The following BARX2 variants were observed in gnomAD, a reference collection of about 807,000 sequenced individuals.
BARX2 encodes the protein BARX homeobox 2, also known as homeobox protein BarH-like 2.
A neutral mutation model predicts 25.5 loss-of-function variants in BARX2; 11 were observed. That is an observed-to-expected ratio of 0.43 (90% CI 0.27 to 0.71). The LOEUF (loss-of-function observed/expected upper bound fraction) is 0.71. Among genes scored for constraint, BARX2 ranks in the 30% least tolerant of loss-of-function variants. The pLI is 0.19. For synonymous variants in BARX2, 137 were observed against 149.5 expected (o/e 0.92, Z 0.61); for missense variants, 360 against 359.9 (o/e 1.00, Z 0.00).
In BARX2 at chr11:129,412,793, T is replaced by A. The variant is rs1237224948; in HGVS notation, c.188-23958T>A. ...GCAGCTAGTCCTCACTTTGGTCCTG[T>A]ATCCAGGTCCCACCTCTTACCTCAG... On this transcript the variant is annotated intron_variant, in intron 1 of 3. Coordinates refer to ENST00000281437, the MANE Select transcript of BARX2 (RefSeq NM_003658.5). 2.6e-5 allele frequency among the ~76,000 whole-genome samples: 4 copies of A among 152,328 alleles called. No homozygotes were observed. The East Asian group carries it at 5.8e-4, about 22-fold the overall frequency.
intron 1 of BARX2, among the ~76,000 whole-genome samples, chr11:129,434,695 G>A (rs1336040207): frequency 6.6e-6 from 1 of 152,194 alleles, no homozygotes; most frequent in Admixed American, 6.5e-5. Flanking sequence ...GAATATGCTT[G>A]TATATAAATC....
chr11:129,378,212 C>T (rs977921610), intron 1 of BARX2, among the ~76,000 whole-genome samples: 6 of 152,080 alleles, frequency 3.9e-5, no homozygotes, highest in Admixed American at 2.0e-4. Flanking sequence ...GAAAATGTGT[C>T]GTTATTTTGC....
At chr11:129,417,734 T>C (rs1032191003) in intron 1 of BARX2, among the ~76,000 whole-genome samples, 4 of 152,336 alleles carry the variant, frequency 2.6e-5, no homozygotes, top group Non-Finnish European at 4.4e-5. Flanking sequence ...TGGCGAAGGA[T>C]TGTGCTAGTC....
chr11:129,416,304 G>T (rs1861942302), intron 1 of BARX2, among the ~76,000 whole-genome samples: 1 of 152,192 alleles, frequency 6.6e-6, no homozygotes. Flanking sequence ...GGAGGGTGTG[G>T]CTAGGGGGCG....
At chr11:129,441,033 G>T (rs1243472655) in intron 2 of BARX2, among the ~76,000 whole-genome samples, 1 of 152,226 alleles carries the variant, frequency 6.6e-6, no homozygotes, top group Non-Finnish European at 1.5e-5. Context: ...TTGGCTTAAG[G>T]AGGTGGCTCT....
Position 129,376,308 on chromosome 11 carries a change from A to T in BARX2, c.187+86A>T. 1 of 1,292,984 alleles carries T rather than the reference A, an allele frequency of 7.7e-7. No individual in the cohort carries two copies. Among genetic ancestry groups the T allele is most frequent in the African/African-American group, 1.5e-5 (1 of 64,922 alleles). 80.1% of individuals were successfully genotyped at this position (1,292,984 alleles called of 1,614,324 possible). A position where few individuals can be genotyped will look rare whatever the true frequency, so the allele number is the denominator to read the frequency against. Reference sequence around the variant, plus strand: ...CTGTGCTTTGCGATCCGAGGGCGAGAGGAAGGGTTAAGTTAAGGGATTCTT... The same window carrying T: ...CTGTGCTTTGCGATCCGAGGGCGAGTGGAAGGGTTAAGTTAAGGGATTCTT... On this transcript the variant is annotated intron_variant, in intron 1 of 3. Coordinates refer to ENST00000281437, the MANE Select transcript of BARX2 (RefSeq NM_003658.5). This position sits in a 1 kb window ranked among gnomAD's most constrained non-coding sequence, Gnocchi z 4.2.
At chr11:129,378,185 C>CAAAGA (rs1861523915) in intron 1 of BARX2, among the ~76,000 whole-genome samples, 1 of 152,152 alleles carries the variant, frequency 6.6e-6, no homozygotes, top group Non-Finnish European at 1.5e-5. Flanking sequence ...GTACTTTCTT[C>CAAAGA]TTTCGGATTG....
At chr11:129,378,635 G>A (rs867764435) in intron 1 of BARX2, among the ~76,000 whole-genome samples, 1 of 127,180 alleles carries the variant, frequency 7.9e-6, no homozygotes, top group African/African-American at 2.9e-5. Context: ...TGCATAAAAA[G>A]TTCAAGTGAA....
chr11:129,424,976 C>CT (rs1436741353), intron 1 of BARX2, among the ~76,000 whole-genome samples: 5 of 152,122 alleles, frequency 3.3e-5, no homozygotes, highest in African/African-American at 1.2e-4. Flanking sequence ...AAATCAGTGC[C>CT]TTTTTTGGAA....
At chr11:129,383,986 G>A (rs1861594598) in intron 1 of BARX2, among the ~76,000 whole-genome samples, 1 of 152,080 alleles carries the variant, frequency 6.6e-6, no homozygotes, top group Non-Finnish European at 1.5e-5. Flanking sequence ...TGATTCTCCT[G>A]CCGCACCCTA....
At chr11:129,393,796 C>A (rs922864565) in intron 1 of BARX2, among the ~76,000 whole-genome samples, 2 of 152,076 alleles carry the variant, frequency 1.3e-5, no homozygotes, top group Admixed American at 1.3e-4. Flanking sequence ...CTACCCACCA[C>A]CCAGTTTAAG....
In BARX2 at chr11:129,376,094, G is replaced by A; in HGVS notation, c.59G>A (p.Arg20Gln). ...CCCGGCCAGCTCAAAGCAGCCAGGC[G>A]GCGCTACAAGACTTTCATGATCGAC... ...SSPGQLKAAR[R>Q]RYKTFMIDEI... Residue 20 changes from arginine (R) to glutamine (Q), a missense_variant, in exon 1 of 4, where the codon CGG (arginine) becomes CAG (glutamine). Physicochemically the swap from Arg to Gln is conservative, Grantham distance 43. Coordinates refer to ENST00000281437, the MANE Select transcript of BARX2 (RefSeq NM_003658.5). The surrounding 1 kb of genome is among the most constrained non-coding windows in gnomAD (Gnocchi z 4.2). The A allele has an allele frequency of 6.2e-7, 1 of 1,611,318 alleles. No homozygotes were observed. The highest frequency in any genetic ancestry group is 8.5e-7 in the Non-Finnish European group (1 of 1,178,896).
At chr11:129,383,955 G>T (rs1198281179) in intron 1 of BARX2, among the ~76,000 whole-genome samples, 1 of 152,024 alleles carries the variant, frequency 6.6e-6, no homozygotes, top group Non-Finnish European at 1.5e-5. Context: ...CTCACTGCAG[G>T]CTCTGCCTCC....
At chr11:129,445,259 C>T (rs534397615) in intron 3 of BARX2, among the ~76,000 whole-genome samples, 1 of 152,218 alleles carries the variant, frequency 6.6e-6, no homozygotes, top group Admixed American at 6.5e-5. Context: ...CCACCACCCA[C>T]CTTCTTCCTC....
At chr11:129,408,112 C>T (rs1861851626) in intron 1 of BARX2, among the ~76,000 whole-genome samples, 1 of 150,282 alleles carries the variant, frequency 6.7e-6, no homozygotes, top group Non-Finnish European at 1.5e-5. Context: ...ACAACCTCTG[C>T]AGGAGTATGG....
chr11:129,438,201 T>G (rs1274257693), intron 2 of BARX2: 1 of 151,354 alleles, frequency 6.6e-6, no homozygotes, highest in Admixed American at 6.6e-5. Context: ...CAGGTACTTG[T>G]AATCCCAGCT....
At chr11:129,394,101 T>C (rs1034134221) in intron 1 of BARX2, among the ~76,000 whole-genome samples, 2 of 152,212 alleles carry the variant, frequency 1.3e-5, no homozygotes, top group Non-Finnish European at 2.9e-5. Flanking sequence ...CTAAATCATA[T>C]GTTGTTGAGC....
chr11:129,398,565 A>G (rs1471415858), intron 1 of BARX2, among the ~76,000 whole-genome samples: 1 of 152,244 alleles, frequency 6.6e-6, no homozygotes, highest in Non-Finnish European at 1.5e-5. Context: ...AAGTAATTCT[A>G]ATTGAGAGTT....
chr11:129,448,741 C>A (rs757598637), intron 3 of BARX2, among the ~76,000 whole-genome samples: 1 of 152,198 alleles, frequency 6.6e-6, no homozygotes, highest in African/African-American at 2.4e-5. Context: ...AATGATCCAG[C>A]AATTCAATTT....
Sources: allele counts gnomAD v4.1 joint callset (sites outside exome capture counted in the v4.1 genomes callset), GRCh38; gene constraint gnomAD v4.1.1; non-coding constraint Gnocchi (gnomAD v3.1); transcripts MANE v1.5; gene names NCBI Gene and HGNC (gene_info 2026-07-23, HGNC 2026-07-21).